The following SDK1 variants were observed in gnomAD, a reference collection of about 807,000 sequenced individuals.
SDK1 encodes the protein protein sidekick-1.
A neutral mutation model predicts 245.5 loss-of-function variants in SDK1; 157 were observed. The observed-to-expected ratio is 0.64, with a 90% confidence interval of 0.56 to 0.73. SDK1 has a LOEUF of 0.73. Ranked by LOEUF, SDK1 falls within the 30% of genes least tolerant of loss-of-function variation. The pLI is 0.00. For missense variants in SDK1, 3,583 were observed against 3,002.3 expected (o/e 1.19, Z -4.52); for synonymous variants, 1,647 against 1,278.5 (o/e 1.29, Z -6.15).
chr7:3,697,111 A>G (rs1784597016), intron 4 of SDK1, among the ~76,000 whole-genome samples: 1 of 152,218 alleles, frequency 6.6e-6, no homozygotes, highest in South Asian at 2.1e-4. Flanking sequence ...CCATTTGACT[A>G]ATTCTTACAG....
chr7:4,267,396 T>C lies in SDK1; in HGVS notation c.*2012T>C. On this transcript the variant is annotated 3_prime_UTR_variant, in exon 45 of 45. Transcript: ENST00000404826. Reference sequence around the variant, plus strand: ...AGGGGGAAATATTCTAAACCAAAAATCCTAGATGCTCTGCCCAAAGCCACT... The same window carrying C: ...AGGGGGAAATATTCTAAACCAAAAACCCTAGATGCTCTGCCCAAAGCCACT... The C allele has an allele frequency of 7.1e-6, 7 of 984,332 alleles. No individual in the cohort carries two copies. The South Asian group carries it at 2.4e-4, about 33-fold the overall frequency. 61.0% of individuals were successfully genotyped at this position (984,332 alleles called of 1,614,324 possible).
At chr7:3,981,555 G>C (rs1048162841) in intron 13 of SDK1, among the ~76,000 whole-genome samples, 1 of 152,204 alleles carries the variant, frequency 6.6e-6, no homozygotes, top group Non-Finnish European at 1.5e-5. Context: ...AGCTGTGAAT[G>C]CAAAGGGAAA....
chr7:3,557,704 T>C (rs1779631627), intron 1 of SDK1, among the ~76,000 whole-genome samples: 1 of 152,210 alleles, frequency 6.6e-6, no homozygotes, highest in African/African-American at 2.4e-5. Context: ...GTACTCAGAA[T>C]CTCTTTGTAT....
At chr7:3,896,634 A>G (rs143630741) in intron 5 of SDK1, among the ~76,000 whole-genome samples, 93 of 152,192 alleles carry the variant, frequency 6.1e-4, no homozygotes, top group African/African-American at 2.1e-3. Flanking sequence ...AGCGAGCTGG[A>G]CACTCTTTTG....
intron 1 of SDK1, among the ~76,000 whole-genome samples, chr7:3,584,106 A>G (rs779242740): frequency 2.6e-5 from 4 of 152,152 alleles, no homozygotes; most frequent in Non-Finnish European, 4.4e-5. Flanking sequence ...TTCCCTTAGT[A>G]TGTTTTTGCA....
intron 1 of SDK1, among the ~76,000 whole-genome samples, chr7:3,598,227 A>G (rs955254684): frequency 6.6e-6 from 1 of 152,100 alleles, no homozygotes; most frequent in Non-Finnish European, 1.5e-5. Flanking sequence ...CCTTTTGCTC[A>G]TTTTATTTAT....
At chr7:3,626,673 A>G (rs1218604332) in intron 2 of SDK1, among the ~76,000 whole-genome samples, 1 of 152,152 alleles carries the variant, frequency 6.6e-6, no homozygotes, top group Non-Finnish European at 1.5e-5. Context: ...CACCAGCCCT[A>G]GTGTCTTAGA....
chr7:3,955,723 C>T (rs890479196), intron 7 of SDK1, among the ~76,000 whole-genome samples: 2 of 152,232 alleles, frequency 1.3e-5, no homozygotes, highest in African/African-American at 4.8e-5. Flanking sequence ...AGCCAAATCC[C>T]AGCAGCATTG....
chr7:4,225,270 T>TA (rs1785363276), intron 40 of SDK1, among the ~76,000 whole-genome samples: 1 of 152,188 alleles, frequency 6.6e-6, no homozygotes, highest in Non-Finnish European at 1.5e-5. Flanking sequence ...CGTTGTTTCT[T>TA]ACAACCGCTT....
chr7:3,650,400 T>C (rs1271367413), intron 4 of SDK1, among the ~76,000 whole-genome samples: 1 of 152,226 alleles, frequency 6.6e-6, no homozygotes, highest in East Asian at 1.9e-4. Flanking sequence ...TTCTGCTTTC[T>C]GTCTCTATGA....
chr7:3,672,760 T>TATATATACATATATATATAC (rs1554307106), intron 4 of SDK1, among the ~76,000 whole-genome samples: 1 of 40,042 alleles, frequency 2.5e-5, no homozygotes, highest in Non-Finnish European at 4.4e-5. Context: ...TATATAATTT[T>TATATATACATATATATATAC]ATATATATAT....
chr7:3,550,489 G>T (rs565601459), intron 1 of SDK1, among the ~76,000 whole-genome samples: 2 of 152,118 alleles, frequency 1.3e-5, no homozygotes, highest in Non-Finnish European at 2.9e-5. Context: ...GCTCTTCTGG[G>T]CCACTGCTGG....
chr7:3,504,180 A>ATGTGTGTGTGTGTG (rs1338465819), intron 1 of SDK1, among the ~76,000 whole-genome samples: 1,283 of 89,374 alleles, frequency 0.014, 9 homozygotes, highest in Admixed American at 0.022. Context: ...ATATATATAT[A>ATGTGTGTGTGTGTG]TATGTGTGTG....
At chr7:3,915,070 G>A (rs772363481) in intron 5 of SDK1, among the ~76,000 whole-genome samples, 5 of 152,126 alleles carry the variant, frequency 3.3e-5, no homozygotes, top group Admixed American at 1.3e-4. Context: ...TCTCTTGTAC[G>A]GCCGTGGAAT....
intron 1 of SDK1, among the ~76,000 whole-genome samples, chr7:3,365,475 A>G (rs983456763): frequency 6.6e-6 from 1 of 152,186 alleles, no homozygotes; most frequent in African/African-American, 2.4e-5. Flanking sequence ...ATTCAAATTT[A>G]GCAGAAAAAT....
chr7:3,595,537 A>G (rs535354226), intron 1 of SDK1, among the ~76,000 whole-genome samples: 23 of 152,248 alleles, frequency 1.5e-4, no homozygotes, highest in African/African-American at 4.8e-4. Context: ...AGCACTACTG[A>G]TAATATTTAA....
chr7:3,738,212 G>A (rs1779376007), intron 4 of SDK1, among the ~76,000 whole-genome samples: 1 of 152,116 alleles, frequency 6.6e-6, no homozygotes, highest in Admixed American at 6.5e-5. Context: ...TCTGTTTTGA[G>A]TTAATTTTTG....
At chr7:3,417,990 C>G (rs528995882) in intron 1 of SDK1, among the ~76,000 whole-genome samples, 2 of 152,096 alleles carry the variant, frequency 1.3e-5, no homozygotes, top group Middle Eastern at 6.8e-3. Flanking sequence ...AGTGATTTCT[C>G]TACTGAGAGC....
intron 4 of SDK1, among the ~76,000 whole-genome samples, chr7:3,748,981 A>T (rs532292064): frequency 6.6e-6 from 1 of 152,142 alleles, no homozygotes; most frequent in Non-Finnish European, 1.5e-5. Flanking sequence ...AGGAAAAAAA[A>T]TCAACCAACC....
Sources: gnomAD v4.1 joint callset for allele counts (sites outside exome capture counted in the v4.1 genomes callset) on GRCh38, gnomAD v4.1.1 for gene constraint, MANE v1.5 for transcripts, NCBI Gene and HGNC (gene_info 2026-07-23, HGNC 2026-07-21) for gene names.